The following TMC2 variants were observed in gnomAD, a reference collection of about 807,000 sequenced individuals.
TMC2 encodes transmembrane channel like 2.
In TMC2, 102 loss-of-function variants were observed where a neutral mutation model predicts 105.9. That is an observed-to-expected ratio of 0.96 (90% CI 0.82 to 1.14). The LOEUF is 1.14. Ranked by LOEUF, TMC2 falls within the 50% of genes most tolerant of loss-of-function variation. The probability of loss-of-function intolerance (pLI) is 0.00; values close to 1 mark genes in which losing one functional copy is unlikely to be tolerated. For synonymous variants in TMC2, 402 were observed against 422.8 expected (o/e 0.95, Z 0.60); for missense variants, 1,093 against 1,134.3 (o/e 0.96, Z 0.52).
At chr20:2,606,898 T>C (rs1341100120) in intron 11 of TMC2, among the ~76,000 whole-genome samples, 5 of 147,822 alleles carry the variant, frequency 3.4e-5, no homozygotes, top group Non-Finnish European at 6.0e-5. Flanking sequence ...TTTCTTTTTT[T>C]TTTTTTTTTT....
rs1267394491 is a variant in TMC2, at chr20:2,601,872, G to A, written c.1225-241G>A. On this transcript the variant is annotated intron_variant, in intron 10 of 19. Transcript: ENST00000358864. ...AGGGACAATGCACGGAAAGTACCAC[G>A]TCTGACACATGGTGACTATTTAAGA... Among the ~76,000 whole-genome samples the A allele has an allele frequency of 2.6e-5, 4 of 152,254 alleles. No individual in the cohort carries two copies. In the East Asian group the frequency reaches 5.8e-4, roughly 22 times the overall value.
chr20:2,606,472 C>T (rs1010040444), intron 11 of TMC2, among the ~76,000 whole-genome samples: 4 of 152,134 alleles, frequency 2.6e-5, no homozygotes, highest in African/African-American at 9.7e-5. Flanking sequence ...GTTGGCCAGG[C>T]TGGTCTCAAA....
intron 7 of TMC2, among the ~76,000 whole-genome samples, chr20:2,585,594 C>T (rs2086226022): frequency 2.0e-5 from 3 of 152,180 alleles, no homozygotes; most frequent in Non-Finnish European, 4.4e-5. Flanking sequence ...CGCTTCCAAG[C>T]TCACTCACAT....
intron 10 of TMC2, among the ~76,000 whole-genome samples, chr20:2,598,575 C>T (rs1271202450): frequency 1.3e-5 from 2 of 151,852 alleles, no homozygotes; most frequent in Non-Finnish European, 2.9e-5. Flanking sequence ...TCACCATGCC[C>T]GGCTAATTTT....
intron 11 of TMC2, among the ~76,000 whole-genome samples, chr20:2,609,914 C>G (rs1012098327): frequency 2.0e-5 from 3 of 152,140 alleles, no homozygotes; most frequent in Non-Finnish European, 2.9e-5. Flanking sequence ...GTGGTGCAAT[C>G]TCGCCTCACT....
chr20:2,543,012 G>A lies in TMC2; in HGVS notation c.82+5696G>A, dbSNP rs577720853. 1.7e-4 allele frequency among the ~76,000 whole-genome samples: 26 copies of A among 152,158 alleles called. No individual in the cohort carries two copies. In the East Asian group the frequency reaches 3.1e-3, roughly 18 times the overall value. ...AGCACTTTGGGAGGCCAAGGTGGGC[G>A]AATCACTTGAGGTCAGGAGTTTGAG... On this transcript the variant is annotated intron_variant, in intron 2 of 19. Coordinates refer to ENST00000358864, the MANE Select transcript of TMC2 (RefSeq NM_080751.3).
Position 2,624,363 on chromosome 20 carries a change from C to T in TMC2, c.2273C>T (p.Pro758Leu), listed in dbSNP as rs1568528974. ...AAGATCTTTGCTTTCCTCGCCAATC[C>T]AGGCCTGATCATCCCAGCCATCCTG... ...LGKIFAFLANPGLIIPAILLM... is the reference protein window; with the variant it reads ...LGKIFAFLANLGLIIPAILLM... Residue 758 changes from proline to leucine, a missense_variant, in exon 17 of 20, where the codon CCA (proline) becomes CTA (leucine). Coordinates refer to ENST00000358864, the MANE Select transcript of TMC2 (RefSeq NM_080751.3). The T allele has an allele frequency of 6.2e-7, 1 of 1,614,112 alleles. No individual in the cohort carries two copies.
At chr20:2,590,789 T>C (rs1401168061) in intron 7 of TMC2, among the ~76,000 whole-genome samples, 1 of 152,116 alleles carries the variant, frequency 6.6e-6, no homozygotes, top group Non-Finnish European at 1.5e-5. Context: ...TACTAGAATC[T>C]AATAAACAAG....
At chr20:2,575,180 T>C (rs2086134530) in intron 5 of TMC2, among the ~76,000 whole-genome samples, 1 of 151,832 alleles carries the variant, frequency 6.6e-6, no homozygotes, top group Admixed American at 6.5e-5. Flanking sequence ...AAGAATGTGC[T>C]GTTCAAGTAT....
intron 2 of TMC2, among the ~76,000 whole-genome samples, chr20:2,552,086 A>G (rs746758177): frequency 3.9e-5 from 6 of 151,902 alleles, no homozygotes; most frequent in Admixed American, 6.6e-5. Context: ...CAGAGACTCT[A>G]CAAAAAAAAA....
Position 2,537,267 on chromosome 20 carries a change from A to G in TMC2, c.35-2A>G, listed in dbSNP as rs1471586800. On this transcript the variant is annotated splice_acceptor_variant, in intron 1 of 19. Coordinates refer to ENST00000358864, the MANE Select transcript of TMC2 (RefSeq NM_080751.3). LOFTEE classifies it high-confidence loss of function. ...ATTTGTCAGCAATCCTGTCTCTTAC[A>G]GCACGAGGCGGAGTGAAAGGGCGGG... is the stretch of plus-strand genomic sequence containing the variant. 1.2e-6 allele frequency: 2 copies of G among 1,602,068 alleles called. No homozygotes were observed. The highest frequency in any genetic ancestry group is 1.7e-6 in the Non-Finnish European group (2 of 1,174,374).
chr20:2,602,000 C>T, intron 10 of TMC2, 113 bp from the exon 11 acceptor site: 1 of 682,008 alleles, frequency 1.5e-6, no homozygotes, highest in East Asian at 2.8e-5. Context: ...ATCATCTCCT[C>T]TGTATTATTT....
chr20:2,637,108 G>A (rs1023776837), intron 18 of TMC2, among the ~76,000 whole-genome samples: 1 of 151,962 alleles, frequency 6.6e-6, no homozygotes, highest in Admixed American at 6.6e-5. Context: ...CTGAAAACAG[G>A]CCGGGCATGG....
At position 2,642,353 on chromosome 20, in the gene TMC2, A is replaced by G. The variant is rs1217928693; in HGVS notation, c.*1002A>G. On this transcript the variant is annotated 3_prime_UTR_variant, in exon 20 of 20. Transcript: ENST00000358864. ...AAGGGAAGCTTACACCATGGAGCAC[A>G]AAACAGGGAGTGAAAACAGTGAATC... Among the ~76,000 whole-genome samples the G allele has an allele frequency of 6.6e-6, 1 of 152,224 alleles. No homozygotes were observed. The highest frequency in any genetic ancestry group is 2.4e-5 in the African/African-American group (1 of 41,460).
At chr20:2,612,043 G>A in intron 12 of TMC2, 148 bp from the exon 13 acceptor site, 1 of 704,688 alleles carries the variant, frequency 1.4e-6, no homozygotes, top group East Asian at 2.8e-5. Flanking sequence ...TTGAAAGCCT[G>A]AGAAGGGAAT....
chr20:2,579,998 T>G lies in TMC2; in HGVS notation c.776T>G (p.Met259Arg), dbSNP rs2086177845. The G allele has an allele frequency of 6.2e-7, 1 of 1,614,038 alleles. No individual in the cohort carries two copies. Among genetic ancestry groups the G allele is most frequent in the African/African-American group, 1.3e-5 (1 of 74,942 alleles). The change falls in exon 7 of 20, where the codon ATG becomes AGG. Residue 259 changes from methionine (M) to arginine (R), a missense_variant. Coordinates refer to ENST00000358864, the MANE Select transcript of TMC2 (RefSeq NM_080751.3). The part of the protein sequence containing the change: ...VASYFIFLRW[M>R]YGVNLVLFGL... ...TCGTATTTCATCTTTCTCCGATGGATGTATGGAGTTAACCTTGTCCTTTTT... is the reference window on the plus strand; with the variant it reads ...TCGTATTTCATCTTTCTCCGATGGAGGTATGGAGTTAACCTTGTCCTTTTT...
intron 11 of TMC2, among the ~76,000 whole-genome samples, chr20:2,605,035 CT>C (rs2086378755): frequency 1.3e-5 from 2 of 152,182 alleles, no homozygotes; most frequent in South Asian, 4.1e-4. Context: ...TGCCAGTAAC[CT>C]GGTGACCTAA....
intron 11 of TMC2, among the ~76,000 whole-genome samples, chr20:2,609,776 A>G (rs921667929): frequency 1.3e-5 from 2 of 152,264 alleles, no homozygotes; most frequent in Admixed American, 1.3e-4. Context: ...GATAGTCAAG[A>G]CCAGCCGAGA....
intron 5 of TMC2, among the ~76,000 whole-genome samples, chr20:2,577,767 A>G (rs1185210348): frequency 6.6e-6 from 1 of 152,072 alleles, no homozygotes; most frequent in South Asian, 2.1e-4. Context: ...AAAAAAAATT[A>G]GCCGAATGTG....
Sources: allele counts gnomAD v4.1 joint callset (sites outside exome capture counted in the v4.1 genomes callset), GRCh38; gene constraint gnomAD v4.1.1; transcripts MANE v1.5; gene names NCBI Gene and HGNC (gene_info 2026-07-23, HGNC 2026-07-21).